DOCK1: variants seen among roughly 807,000 people sequenced by gnomAD.
The protein encoded by DOCK1 is dedicator of cytokinesis 1.
DOCK1 carries 138 observed loss-of-function variants against 262.7 expected under a neutral mutation model. The ratio of observed to expected loss-of-function variants is 0.53; its 90% CI spans 0.46 to 0.61. The LOEUF (loss-of-function observed/expected upper bound fraction) is 0.61, where lower values mean the gene tolerates loss of function less well. Among genes scored for constraint, DOCK1 ranks in the 20% least tolerant of loss-of-function variants. DOCK1 has a pLI of 0.00. For synonymous variants in DOCK1, 866 were observed against 867.4 expected (o/e 1.00, Z 0.03); for missense variants, 1,908 against 2,370.7 (o/e 0.80, Z 4.05).
chr10:127,429,651 C>T (rs1258801919), intron 47 of DOCK1, among the ~76,000 whole-genome samples: 1 of 152,214 alleles, frequency 6.6e-6, no homozygotes, highest in Non-Finnish European at 1.5e-5. Flanking sequence ...CCTTGGCTTT[C>T]ATCGTGTTCC....
chr10:127,380,994 T>A lies in DOCK1; in HGVS notation c.3717-284T>A, dbSNP rs1379844460. 2.0e-5 allele frequency among the ~76,000 whole-genome samples: 3 copies of A among 152,112 alleles called. No homozygotes were observed. The East Asian group carries it at 5.8e-4, about 29-fold the overall frequency. On this transcript the variant is annotated intron_variant, in intron 36 of 51. Coordinates refer to ENST00000623213, the MANE Select transcript of DOCK1 (RefSeq NM_001290223.2). ...TTGGACTCAGTAGAAATGCAGAAAA[T>A]CACAATCAAGTATTGTGTGTCTCAT...
chr10:127,237,262 A>G (rs2059106024), intron 27 of DOCK1, among the ~76,000 whole-genome samples: 1 of 151,000 alleles, frequency 6.6e-6, no homozygotes, highest in African/African-American at 2.4e-5. Flanking sequence ...TGGGAGGCTG[A>G]GGCAGGAGAA....
intron 23 of DOCK1, among the ~76,000 whole-genome samples, chr10:127,079,182 T>C (rs766115234): frequency 6.6e-5 from 10 of 152,192 alleles, no homozygotes; most frequent in African/African-American, 1.9e-4. Context: ...TCTCTGAACA[T>C]TGGATGCATT....
intron 4 of DOCK1, among the ~76,000 whole-genome samples, chr10:126,982,702 C>T (rs185115384): frequency 2.6e-5 from 4 of 152,034 alleles, no homozygotes; most frequent in Non-Finnish European, 2.9e-5. Context: ...TGAAAAGAAC[C>T]GTTCGGGTTC....
At chr10:127,162,836 G>C (rs2053704563) in intron 27 of DOCK1, among the ~76,000 whole-genome samples, 1 of 152,162 alleles carries the variant, frequency 6.6e-6, no homozygotes, top group Non-Finnish European at 1.5e-5. Context: ...CCTGTGCTGG[G>C]GAACAGTTGC....
At chr10:127,088,411 C>G (rs1004956560) in intron 23 of DOCK1, among the ~76,000 whole-genome samples, 3 of 152,228 alleles carry the variant, frequency 2.0e-5, no homozygotes, top group African/African-American at 7.2e-5. Context: ...TAAAAGCTGT[C>G]CAGCTGCCTA....
intron 23 of DOCK1, among the ~76,000 whole-genome samples, chr10:127,088,462 C>T (rs974641880): frequency 3.9e-5 from 6 of 152,066 alleles, no homozygotes; most frequent in African/African-American, 2.4e-5. Flanking sequence ...GTGTTTGTTT[C>T]GTTTGTCCTG....
intron 32 of DOCK1, among the ~76,000 whole-genome samples, chr10:127,356,297 C>T (rs2064140229): frequency 6.6e-6 from 1 of 152,204 alleles, no homozygotes; most frequent in African/African-American, 2.4e-5. Context: ...CATCCTCTCC[C>T]ACTCCTGCCT....
intron 27 of DOCK1, among the ~76,000 whole-genome samples, chr10:127,215,052 G>C (rs1645502618): frequency 6.6e-6 from 1 of 152,022 alleles, no homozygotes; most frequent in Admixed American, 6.5e-5. Flanking sequence ...CCCTGCATCT[G>C]TTTCACCCAG....
At chr10:127,370,194 T>A (rs2065132117) in intron 33 of DOCK1, among the ~76,000 whole-genome samples, 1 of 152,208 alleles carries the variant, frequency 6.6e-6, no homozygotes, top group Non-Finnish European at 1.5e-5. Flanking sequence ...TGAGCATTTC[T>A]TCTTTAAATA....
At chr10:127,058,466 C>T (rs1292826288) in intron 22 of DOCK1, among the ~76,000 whole-genome samples, 1 of 151,934 alleles carries the variant, frequency 6.6e-6, no homozygotes, top group African/African-American at 2.4e-5. Flanking sequence ...TCCAGTCTGA[C>T]AAGCTTCTTA....
At chr10:126,927,773 G>A (rs999792284) in intron 1 of DOCK1, among the ~76,000 whole-genome samples, 2 of 152,124 alleles carry the variant, frequency 1.3e-5, no homozygotes, top group Admixed American at 6.5e-5. Flanking sequence ...CAGTAGACGC[G>A]TAGTCAGAGC....
intron 27 of DOCK1, among the ~76,000 whole-genome samples, chr10:127,183,919 T>G (rs936995336): frequency 6.6e-6 from 1 of 152,196 alleles, no homozygotes; most frequent in Non-Finnish European, 1.5e-5. Flanking sequence ...GTCTTCTCTG[T>G]GCATGATAAT....
At chr10:127,118,504 G>T (rs955543906) in intron 25 of DOCK1, among the ~76,000 whole-genome samples, 2 of 152,120 alleles carry the variant, frequency 1.3e-5, no homozygotes, top group African/African-American at 4.8e-5. Context: ...TCCTTTAAAG[G>T]ATGGCTCGCT....
rs543694549 is a variant in DOCK1, at chr10:127,022,200, C to T, written c.1328-1000C>T. On this transcript the variant is annotated intron_variant, in intron 13 of 51. Transcript: ENST00000623213. ...AAACAGACAGGTCTGTTTTGTTCTT[C>T]TCTCTGTGGTCCCCATTCGGGATCC... Among the ~76,000 whole-genome samples, 4 of 152,128 alleles carry T rather than the reference C, an allele frequency of 2.6e-5. No homozygotes were observed. The South Asian group carries it at 8.4e-4, about 32-fold the overall frequency.
At chr10:127,412,319 T>C (rs1324913346) in intron 43 of DOCK1, among the ~76,000 whole-genome samples, 2 of 152,226 alleles carry the variant, frequency 1.3e-5, no homozygotes, top group Non-Finnish European at 2.9e-5. Flanking sequence ...TTTGTATTTT[T>C]ATTTTATTTA....
At position 127,008,756 on chromosome 10, in the gene DOCK1, A is replaced by G. The variant is rs1204972110; in HGVS notation, c.1010A>G (p.Asn337Ser). 1 of 1,598,582 alleles carries G rather than the reference A, an allele frequency of 6.3e-7. No homozygotes were observed. The highest frequency in any genetic ancestry group is 8.5e-7 in the Non-Finnish European group (1 of 1,171,984). ...VAVMDVTDII[N>S]GKVDDEDKQH... ...GTGATGGATGTAACAGATATAATAA[A>G]TGGAAAAGTAGATGATGAAGATAAG... Residue 337 changes from asparagine to serine, a missense_variant, in exon 11 of 52, where the codon AAT becomes AGT. Physicochemically the swap from Asn to Ser is conservative, Grantham distance 46. This residue lies in a region of DOCK1 where 102 missense variants were observed against 154.9 expected (regional missense o/e 0.66). Coordinates refer to ENST00000623213, the MANE Select transcript of DOCK1 (RefSeq NM_001290223.2).
chr10:127,349,086 C>G (rs984673058), intron 31 of DOCK1, among the ~76,000 whole-genome samples: 9 of 152,154 alleles, frequency 5.9e-5, no homozygotes, highest in Non-Finnish European at 1.2e-4. Flanking sequence ...TGTCCCACCC[C>G]CTCTCACCTC....
chr10:127,134,133 C>G (rs189612960), intron 27 of DOCK1, among the ~76,000 whole-genome samples: 30 of 152,298 alleles, frequency 2.0e-4, no homozygotes, highest in African/African-American at 6.3e-4. Flanking sequence ...TTCTTGTTTC[C>G]TTTTCTTGCT....
Sources: allele counts gnomAD v4.1 joint callset (sites outside exome capture counted in the v4.1 genomes callset), GRCh38; gene constraint gnomAD v4.1.1; regional missense constraint gnomAD v4.1.1; transcripts MANE v1.5; gene names NCBI Gene and HGNC (gene_info 2026-07-23, HGNC 2026-07-21).